The following RRAGC variants were observed in gnomAD, a reference collection of about 807,000 sequenced individuals.
RRAGC encodes the protein ras-related GTP-binding protein C.
A neutral mutation model predicts 37.1 loss-of-function variants in RRAGC; 8 were observed. The ratio of observed to expected loss-of-function variants is 0.22; its 90% CI spans 0.13 to 0.39. RRAGC has a LOEUF of 0.39. RRAGC is among the 10% of genes least tolerant of loss of function. The probability of loss-of-function intolerance (pLI) is 1.00; values close to 1 mark genes in which losing one functional copy is unlikely to be tolerated. For missense variants in RRAGC, 342 were observed against 497.6 expected (o/e 0.69, Z 2.98); for synonymous variants, 190 against 181.1 (o/e 1.05, Z -0.39).
At chr1:38,846,855 C>T (rs943016071) in intron 5 of RRAGC, 1 of 152,164 alleles carries the variant, frequency 6.6e-6, no homozygotes, top group Admixed American at 6.5e-5. Context: ...GTAATCCCAG[C>T]ACTTTGGGAG....
rs746148027 is a variant in RRAGC, at chr1:38,846,066, T to C, written c.921A>G (p.Gly307=). The change falls in exon 6 of 7, where the codon GGA becomes GGG. Residue 307 remains glycine (G), a synonymous_variant. Coordinates refer to ENST00000373001, the MANE Select transcript of RRAGC (RefSeq NM_022157.4). ...CIYGLKEDGS[G]SAYDKESMAI... ...CCATAGATTCTTTGTCATAAGCACTTCCACTTCCATCTTCCTTTAACCTAT... is the reference window on the plus strand; with the variant it reads ...CCATAGATTCTTTGTCATAAGCACTCCCACTTCCATCTTCCTTTAACCTAT... 6.2e-7 allele frequency: 1 copy of C among 1,609,762 alleles called. No individual in the cohort carries two copies. Among genetic ancestry groups the C allele is most frequent in the South Asian group, 1.1e-5 (1 of 90,102 alleles).
Position 38,839,583 on chromosome 1 carries a change from T to C in RRAGC, c.1170A>G (p.Thr390=). The change falls in exon 7 of 7, where the codon ACA becomes ACG. Residue 390 remains threonine, a synonymous_variant. Transcript: ENST00000373001. Reference sequence around the variant, plus strand: ...TGGCGTTTCGTGGCGTGCCATTGTGTGTCAGCGCTTTCAGACTGGAGGCAC... The same window carrying C: ...TGGCGTTTCGTGGCGTGCCATTGTGCGTCAGCGCTTTCAGACTGGAGGCAC... The part of the protein sequence containing the change: ...QTSASSLKAL[T]HNGTPRNAI 6.2e-7 allele frequency: 1 copy of C among 1,614,156 alleles called. No individual in the cohort carries two copies. Among genetic ancestry groups the C allele is most frequent in the Non-Finnish European group, 8.5e-7 (1 of 1,180,038 alleles).
intron 5 of RRAGC, among the ~76,000 whole-genome samples, chr1:38,850,184 C>G (rs1642081918): frequency 6.6e-6 from 1 of 150,918 alleles, no homozygotes; most frequent in African/African-American, 2.4e-5. Flanking sequence ...CCAGTCTGGG[C>G]AACAGAGCGA....
At chr1:38,846,410 A>G (rs969086528) in intron 5 of RRAGC, 1 of 218,206 alleles carries the variant, frequency 4.6e-6, no homozygotes. Flanking sequence ...CTCACCCCCT[A>G]GACTGTGTTC....
intron 5 of RRAGC, among the ~76,000 whole-genome samples, chr1:38,849,929 AG>A (rs1270782027): frequency 6.6e-6 from 1 of 152,060 alleles, no homozygotes; most frequent in Non-Finnish European, 1.5e-5. Context: ...AAAACAAGCC[AG>A]GCATGGTGGC....
At chr1:38,844,880 A>G (rs1166466543) in intron 6 of RRAGC, among the ~76,000 whole-genome samples, 1 of 152,254 alleles carries the variant, frequency 6.6e-6, no homozygotes, top group East Asian at 1.9e-4. Context: ...AAAAAAGCTC[A>G]TCACCACTGG....
rs990198730 is a variant in RRAGC at position 38,838,724 on chromosome 1, C to T, written c.*829G>A. The T allele has an allele frequency of 1.3e-5, 2 of 152,210 alleles. No individual in the cohort carries two copies. Among genetic ancestry groups the T allele is most frequent in the Non-Finnish European group, 2.9e-5 (2 of 68,034 alleles). The allele number at this position is 152,210 out of a possible 1,614,324, so 9.4% of individuals were successfully genotyped here. ...GCTTAGAATAAAAGGTCTGTAGAGG[C>T]TGATATCAAGATTAAAGTAAGCTAA... On this transcript the variant is annotated 3_prime_UTR_variant, in exon 7 of 7. Coordinates refer to ENST00000373001, the MANE Select transcript of RRAGC (RefSeq NM_022157.4).
intron 1 of RRAGC, among the ~76,000 whole-genome samples, chr1:38,858,565 G>C (rs1308985960): frequency 1.3e-5 from 2 of 152,210 alleles, no homozygotes; most frequent in Non-Finnish European, 2.9e-5. Context: ...GGGCGTGGTG[G>C]CGCGCGCCTG....
chr1:38,859,754 C>G lies in RRAGC; in HGVS notation c.-108G>C. ...GCCGCCGCCACCACCGCCACCGCCCCCGGCAGCCGCCACAGTCCGGCCCGC... is the reference window on the plus strand; with the variant it reads ...GCCGCCGCCACCACCGCCACCGCCCGCGGCAGCCGCCACAGTCCGGCCCGC... On this transcript the variant is annotated 5_prime_UTR_variant, in exon 1 of 7. Coordinates refer to ENST00000373001, the MANE Select transcript of RRAGC (RefSeq NM_022157.4). 4 of 979,040 alleles carry G rather than the reference C, an allele frequency of 4.1e-6. No homozygotes were observed. The highest frequency in any genetic ancestry group is 5.2e-6 in the Non-Finnish European group (4 of 768,894). The allele number at this position is 979,040 out of a possible 1,614,324, so 60.6% of individuals were successfully genotyped here.
At chr1:38,852,593 A>T (rs1468316210) in intron 3 of RRAGC, 105 bp from the exon 4 acceptor site, 1 of 606,684 alleles carries the variant, frequency 1.6e-6, no homozygotes, top group East Asian at 2.9e-5. Flanking sequence ...GATTTCAGTG[A>T]GTTCAATAAA....
intron 5 of RRAGC, among the ~76,000 whole-genome samples, chr1:38,849,487 G>A (rs527951737): frequency 1.3e-5 from 2 of 152,088 alleles, no homozygotes; most frequent in Non-Finnish European, 2.9e-5. Flanking sequence ...CCAGGAGTTC[G>A]AGACCAGCCT....
At chr1:38,849,550 T>C (rs1382923719) in intron 5 of RRAGC, among the ~76,000 whole-genome samples, 1 of 151,478 alleles carries the variant, frequency 6.6e-6, no homozygotes, top group Non-Finnish European at 1.5e-5. Flanking sequence ...CAGCCAGGCG[T>C]GGTGGTGCAC....
Position 38,846,106 on chromosome 1 carries a change from C to G in RRAGC, c.900-19G>C, listed in dbSNP as rs761825262. 1 of 1,592,114 alleles carries G rather than the reference C, an allele frequency of 6.3e-7. No homozygotes were observed. The highest frequency in any genetic ancestry group is 8.6e-7 in the Non-Finnish European group (1 of 1,167,878). On this transcript the variant is annotated intron_variant, in intron 5 of 6. Transcript: ENST00000373001. ...CTTTAACCTATTTTAAAAGAAAGTA[C>G]TATTCATTACAGGTTTCCCATCTAG...
chr1:38,844,979 A>T (rs1047383293), intron 6 of RRAGC, among the ~76,000 whole-genome samples: 1 of 152,182 alleles, frequency 6.6e-6, no homozygotes, highest in Non-Finnish European at 1.5e-5. Flanking sequence ...GAAACAACAG[A>T]TGCTGGAGAG....
chr1:38,848,851 G>A (rs1268707497), intron 5 of RRAGC, among the ~76,000 whole-genome samples: 1 of 151,888 alleles, frequency 6.6e-6, no homozygotes, highest in Non-Finnish European at 1.5e-5. Flanking sequence ...AACAAAAAAG[G>A]CCAGCTGCAA....
At chr1:38,852,804 C>T (rs1260682065) in intron 3 of RRAGC, 1 of 162,174 alleles carries the variant, frequency 6.2e-6, no homozygotes, top group Non-Finnish European at 1.3e-5. Flanking sequence ...TAACTGAGAC[C>T]AAAAATAAGA....
chr1:38,857,731 G>A (rs1476708997), intron 1 of RRAGC, among the ~76,000 whole-genome samples: 2 of 152,204 alleles, frequency 1.3e-5, no homozygotes, highest in Non-Finnish European at 2.9e-5. Context: ...CGGCCGAGGC[G>A]GGCGGATCAC....
chr1:38,840,338 T>G (rs1403544466), intron 6 of RRAGC, among the ~76,000 whole-genome samples: 1 of 152,184 alleles, frequency 6.6e-6, no homozygotes, highest in African/African-American at 2.4e-5. Flanking sequence ...GTGGCCTGCT[T>G]GAACATAGTG....
At chr1:38,849,975 G>A (rs879751260) in intron 5 of RRAGC, among the ~76,000 whole-genome samples, 4 of 151,976 alleles carry the variant, frequency 2.6e-5, no homozygotes, top group Non-Finnish European at 4.4e-5. Context: ...GGGAGGCCAC[G>A]GCGGGTGGAT....
Sources: allele counts gnomAD v4.1 joint callset (sites outside exome capture counted in the v4.1 genomes callset), GRCh38; gene constraint gnomAD v4.1.1; transcripts MANE v1.5; gene names NCBI Gene and HGNC (gene_info 2026-07-23, HGNC 2026-07-21).